The following ARHGEF28 variants were observed in gnomAD, a reference collection of about 807,000 sequenced individuals.
ARHGEF28 encodes Rho guanine nucleotide exchange factor 28.
Under a neutral mutation model 206.6 loss-of-function variants are expected in ARHGEF28, and 152 were observed. That is an observed-to-expected ratio of 0.74 (90% CI 0.64 to 0.84). The LOEUF is 0.84. ARHGEF28 is among the 40% of genes least tolerant of loss of function. The pLI, the probability that ARHGEF28 is intolerant of heterozygous loss-of-function variation, is 0.00. For missense variants in ARHGEF28, 2,028 were observed against 2,073.2 expected (o/e 0.98, Z 0.42); for synonymous variants, 763 against 776.4 (o/e 0.98, Z 0.29).
chr5:73,729,318 TAGGTGATG>T (rs1197708048), intron 2 of ARHGEF28, among the ~76,000 whole-genome samples: 1 of 152,228 alleles, frequency 6.6e-6, no homozygotes, highest in African/African-American at 2.4e-5. Flanking sequence ...ACAGGTTGGC[TAGGTGATG>T]ATATGTGTTG....
chr5:73,840,683 T>C lies in ARHGEF28; in HGVS notation c.1350T>C (p.Ser450=), dbSNP rs774289986. 3.7e-6 allele frequency: 6 copies of C among 1,613,078 alleles called. No individual in the cohort carries two copies. Residue 450 remains serine, a synonymous_variant, in exon 11 of 36, where the codon AGT becomes AGC. Coordinates refer to ENST00000513042, the MANE Select transcript of ARHGEF28 (RefSeq NM_001177693.2). ...EAQQSFMSPS[S]SCASNLNLSF... is the part of the protein sequence containing the mutation. The stretch of plus-strand genomic sequence containing the variant: ...AGCAGTCCTTCATGTCACCATCAAG[T>C]TCGTGTGCTTCCAACTTGAATCTTT...
intron 1 of ARHGEF28, among the ~76,000 whole-genome samples, chr5:73,648,057 T>A (rs1352982850): frequency 6.6e-6 from 1 of 152,242 alleles, no homozygotes; most frequent in Non-Finnish European, 1.5e-5. Flanking sequence ...TTTTGACTCT[T>A]ATCCATCAAA....
chr5:73,823,608 G>A (rs1000489857), intron 9 of ARHGEF28, among the ~76,000 whole-genome samples: 4 of 152,178 alleles, frequency 2.6e-5, no homozygotes, highest in African/African-American at 9.7e-5. Context: ...TGTTTTCTCA[G>A]CAAGACTCAG....
In ARHGEF28 at chr5:73,832,472, T is replaced by G; in HGVS notation, c.1146+13T>G. ...GGTGATTGATCAGGTAAGGCCCAAC[T>G]GACATTACAGGATGATTTCTACCTC... is the stretch of plus-strand genomic sequence containing the variant. On this transcript the variant is annotated intron_variant, in intron 10 of 35. Coordinates refer to ENST00000513042, the MANE Select transcript of ARHGEF28 (RefSeq NM_001177693.2). 1 of 1,609,978 alleles carries G rather than the reference T, an allele frequency of 6.2e-7. No individual in the cohort carries two copies. Among genetic ancestry groups the G allele is most frequent in the South Asian group, 1.1e-5 (1 of 89,866 alleles).
At chr5:73,883,703 A>T in intron 23 of ARHGEF28, 64 bp from the exon 24 acceptor site, 1 of 1,026,196 alleles carries the variant, frequency 9.7e-7, no homozygotes, top group Non-Finnish European at 1.4e-6. Flanking sequence ...TTGTATTGTT[A>T]CATTCACACC....
At chr5:73,932,204 A>G (rs893909749) in intron 35 of ARHGEF28, among the ~76,000 whole-genome samples, 6 of 152,232 alleles carry the variant, frequency 3.9e-5, no homozygotes, top group Admixed American at 2.0e-4. Flanking sequence ...ATGTATCATG[A>G]TAAATTAGAG....
At chr5:73,880,303 T>C (rs1760833582) in intron 22 of ARHGEF28, among the ~76,000 whole-genome samples, 2 of 152,108 alleles carry the variant, frequency 1.3e-5, no homozygotes, top group South Asian at 4.2e-4. Context: ...CTGGTGGGAG[T>C]GACCCAATTT....
At chr5:73,635,745 A>G (rs1743672848) in intron 1 of ARHGEF28, among the ~76,000 whole-genome samples, 1 of 152,200 alleles carries the variant, frequency 6.6e-6, no homozygotes, top group Non-Finnish European at 1.5e-5. Flanking sequence ...AACTTGTCAA[A>G]AACTTCAGGA....
At chr5:73,937,773 A>T (rs1764499806) in intron 35 of ARHGEF28, among the ~76,000 whole-genome samples, 2 of 152,120 alleles carry the variant, frequency 1.3e-5, no homozygotes, top group African/African-American at 4.8e-5. Context: ...ATGTTTTTTC[A>T]GTTTAGGGTT....
intron 1 of ARHGEF28, among the ~76,000 whole-genome samples, chr5:73,653,691 C>G (rs1744985379): frequency 6.6e-6 from 1 of 152,220 alleles, no homozygotes. Flanking sequence ...TCTATAGCCC[C>G]TATCTGTCCT....
intron 7 of ARHGEF28, among the ~76,000 whole-genome samples, chr5:73,792,799 C>T (rs753571819): frequency 9.9e-5 from 15 of 152,128 alleles, no homozygotes; most frequent in Non-Finnish European, 1.8e-4. Context: ...CAATTTTCTG[C>T]ATCTATGTAG....
At chr5:73,830,510 C>T (rs999905252) in intron 9 of ARHGEF28, among the ~76,000 whole-genome samples, 2 of 149,210 alleles carry the variant, frequency 1.3e-5, no homozygotes, top group East Asian at 2.0e-4. Flanking sequence ...GCCGAGATTG[C>T]GCCACTGCAC....
At chr5:73,799,571 TGA>T (rs1755014687) in intron 9 of ARHGEF28, among the ~76,000 whole-genome samples, 4 of 152,170 alleles carry the variant, frequency 2.6e-5, no homozygotes, top group African/African-American at 9.7e-5. Context: ...AGGTTGTGGG[TGA>T]CAGACCAGAT....
intron 16 of ARHGEF28, among the ~76,000 whole-genome samples, chr5:73,860,282 A>G (rs1409572163): frequency 6.6e-6 from 1 of 152,124 alleles, no homozygotes; most frequent in African/African-American, 2.4e-5. Flanking sequence ...CTCGCTTTGT[A>G]TTTCCATATT....
intron 16 of ARHGEF28, among the ~76,000 whole-genome samples, chr5:73,859,696 G>T (rs552069932): frequency 2.9e-4 from 44 of 152,200 alleles, no homozygotes; most frequent in Non-Finnish European, 4.4e-4. Flanking sequence ...ATCGTTTATG[G>T]GTTGTTTCTG....
Position 73,832,470 on chromosome 5 carries a change from A to G in ARHGEF28, c.1146+11A>G, listed in dbSNP as rs781008463. On this transcript the variant is annotated intron_variant, in intron 10 of 35. Coordinates refer to ENST00000513042, the MANE Select transcript of ARHGEF28 (RefSeq NM_001177693.2). ...ATGGTGATTGATCAGGTAAGGCCCA[A>G]CTGACATTACAGGATGATTTCTACC... The G allele has an allele frequency of 3.1e-6, 5 of 1,609,724 alleles. No homozygotes were observed. The highest frequency in any genetic ancestry group is 2.2e-5 in the East Asian group (1 of 44,830).
chr5:73,904,338 C>T lies in ARHGEF28; in HGVS notation c.4114-20C>T, dbSNP rs772166267. ...TGAAAGCTTTTTCAAGAATTTGACA[C>T]TTACAATTTTGTTTTTCAGATTATA... On this transcript the variant is annotated intron_variant, in intron 32 of 35. Transcript: ENST00000513042. 1 of 1,613,218 alleles carries T rather than the reference C, an allele frequency of 6.2e-7. No homozygotes were observed.
chr5:73,877,882 GA>G (rs796881517), intron 22 of ARHGEF28, among the ~76,000 whole-genome samples: 3 of 152,142 alleles, frequency 2.0e-5, no homozygotes, highest in African/African-American at 7.2e-5. Context: ...GTGGTGTGCT[GA>G]AAAAAATATA....
At chr5:73,746,971 T>G (rs1159298818) in intron 2 of ARHGEF28, among the ~76,000 whole-genome samples, 1 of 152,128 alleles carries the variant, frequency 6.6e-6, no homozygotes, top group East Asian at 1.9e-4. Flanking sequence ...GCTTGTTGAG[T>G]TTCATTTGAA....
Sources: gnomAD v4.1 joint callset for allele counts (sites outside exome capture counted in the v4.1 genomes callset) on GRCh38, gnomAD v4.1.1 for gene constraint, MANE v1.5 for transcripts, NCBI Gene and HGNC (gene_info 2026-07-23, HGNC 2026-07-21) for gene names.